The following ZMYND11 variants were observed in gnomAD, a reference collection of about 807,000 sequenced individuals.
ZMYND11 encodes zinc finger MYND domain-containing protein 11.
In ZMYND11, 9 loss-of-function variants were observed where a neutral mutation model predicts 84.9. The ratio of observed to expected loss-of-function variants is 0.11; its 90% CI spans 0.06 to 0.18. The LOEUF (loss-of-function observed/expected upper bound fraction) is 0.18, where lower values mean the gene tolerates loss of function less well. Among genes scored for constraint, ZMYND11 ranks in the 10% least tolerant of loss-of-function variants. The pLI is 1.00. For missense variants in ZMYND11, 409 were observed against 761.0 expected (o/e 0.54, Z 5.44); for synonymous variants, 250 against 244.1 (o/e 1.02, Z -0.23).
intron 11 of ZMYND11, 49 bp downstream of exon 11, chr10:247,022 G>T (rs1462578325): frequency 6.6e-7 from 1 of 1,512,922 alleles, no homozygotes; most frequent in South Asian, 1.2e-5. Context: ...ACTTTTAAAT[G>T]CAGAAATCTT....
chr10:141,602 C>A (rs1387787291), intron 1 of ZMYND11, among the ~76,000 whole-genome samples: 1 of 152,122 alleles, frequency 6.6e-6, no homozygotes. Context: ...ATATTAACAA[C>A]CTGAGGGTTT....
At chr10:156,907 CTGGTATT>C (rs1412030567) in intron 1 of ZMYND11, among the ~76,000 whole-genome samples, 2 of 152,134 alleles carry the variant, frequency 1.3e-5, no homozygotes, top group Non-Finnish European at 2.9e-5. Flanking sequence ...GATCTCCTCA[CTGGTATT>C]TGAGGATTGG....
chr10:174,243 A>G (rs1239966503), intron 1 of ZMYND11, among the ~76,000 whole-genome samples: 1 of 152,230 alleles, frequency 6.6e-6, no homozygotes, highest in African/African-American at 2.4e-5. Context: ...TCATGCCATA[A>G]AAAGCTATGG....
intron 1 of ZMYND11, among the ~76,000 whole-genome samples, chr10:145,980 C>G (rs1371453240): frequency 2.6e-5 from 4 of 151,968 alleles, no homozygotes; most frequent in Non-Finnish European, 5.9e-5. Context: ...AGGGTTTTTC[C>G]TATGGTTTCT....
chr10:217,711 A>G lies in ZMYND11; in HGVS notation c.277-3484A>G, dbSNP rs189834966. Among the ~76,000 whole-genome samples the G allele has an allele frequency of 1.7e-4, 26 of 152,258 alleles. 1 individual carries two copies. In the East Asian group the frequency reaches 5.0e-3, roughly 29 times the overall value. ...CTCACATTGTGCCAGGCACTCCCGTAAGGACTGTCTGCGTATTGACTCATG... is the reference window on the plus strand; with the variant it reads ...CTCACATTGTGCCAGGCACTCCCGTGAGGACTGTCTGCGTATTGACTCATG... On this transcript the variant is annotated intron_variant, in intron 3 of 14. Coordinates refer to ENST00000381604, the MANE Select transcript of ZMYND11 (RefSeq NM_001370100.5).
chr10:150,962 G>T lies in ZMYND11; in HGVS notation c.-20+15403G>T, dbSNP rs536793086. 1.3e-3 allele frequency among the ~76,000 whole-genome samples: 204 copies of T among 152,296 alleles called. 3 individuals are homozygous for T. The South Asian group carries it at 0.021, about 16-fold the overall frequency. ...GCTGATACCCAGGCAAACAGGGTCT[G>T]GAGTGGACCTCCAGCAAACTCCAAC... is the stretch of plus-strand genomic sequence containing the variant. On this transcript the variant is annotated intron_variant, in intron 1 of 14. Coordinates refer to ENST00000381604, the MANE Select transcript of ZMYND11 (RefSeq NM_001370100.5).
chr10:211,569 G>A (rs140117690), intron 3 of ZMYND11, among the ~76,000 whole-genome samples: 2 of 152,302 alleles, frequency 1.3e-5, no homozygotes, highest in East Asian at 3.9e-4. Context: ...AGCAACAGCT[G>A]TGATAAGGTA....
intron 10 of ZMYND11, 110 bp downstream of exon 10, chr10:242,249 A>T (rs1019618709): frequency 2.0e-6 from 3 of 1,482,474 alleles, no homozygotes; most frequent in Non-Finnish European, 2.7e-6. Flanking sequence ...AATTGGAAAA[A>T]AAAAACACAT....
At chr10:238,391 C>G (rs1950331341) in intron 6 of ZMYND11, among the ~76,000 whole-genome samples, 3 of 151,788 alleles carry the variant, frequency 2.0e-5, no homozygotes, top group African/African-American at 4.8e-5. Flanking sequence ...GAGTCTCACT[C>G]TGTCGCCCAG....
chr10:191,123 A>G (rs2130910973), intron 2 of ZMYND11, among the ~76,000 whole-genome samples: 1 of 152,228 alleles, frequency 6.6e-6, no homozygotes, highest in South Asian at 2.1e-4. Flanking sequence ...AATAGTCATT[A>G]TTTTGTGAAA....
chr10:189,138 C>G (rs1939609928), intron 2 of ZMYND11, among the ~76,000 whole-genome samples: 1 of 152,192 alleles, frequency 6.6e-6, no homozygotes, highest in South Asian at 2.1e-4. Flanking sequence ...GACCTCTGAC[C>G]TCTTGTGACA....
intron 2 of ZMYND11, among the ~76,000 whole-genome samples, chr10:209,061 A>G (rs1461330054): frequency 6.6e-6 from 1 of 152,018 alleles, no homozygotes; most frequent in Non-Finnish European, 1.5e-5. Flanking sequence ...AGAGAGAGAG[A>G]GAGATCAGCG....
chr10:190,313 A>G (rs1453978496), intron 2 of ZMYND11, among the ~76,000 whole-genome samples: 2 of 152,062 alleles, frequency 1.3e-5, no homozygotes, highest in African/African-American at 2.4e-5. Flanking sequence ...CACTGTTGCA[A>G]ACGTTTTCCT....
intron 3 of ZMYND11, among the ~76,000 whole-genome samples, chr10:213,713 CAA>C (rs1380906593): frequency 6.6e-6 from 1 of 151,956 alleles, no homozygotes; most frequent in East Asian, 1.9e-4. Flanking sequence ...TTTGTATCAG[CAA>C]AGAGTCTGGA....
At chr10:164,424 G>A (rs1843553148) in intron 1 of ZMYND11, among the ~76,000 whole-genome samples, 2 of 152,156 alleles carry the variant, frequency 1.3e-5, no homozygotes, top group Non-Finnish European at 1.5e-5. Context: ...AACAGTGATT[G>A]TTGCTCATAA....
At chr10:168,621 G>T (rs1314694809) in intron 1 of ZMYND11, among the ~76,000 whole-genome samples, 2 of 152,224 alleles carry the variant, frequency 1.3e-5, no homozygotes, top group Non-Finnish European at 1.5e-5. Context: ...CATGTAAGGA[G>T]CTCATAAGTA....
Position 177,263 on chromosome 10 carries a change from C to T in ZMYND11, c.-19-2731C>T, listed in dbSNP as rs1846853378. Among the ~76,000 whole-genome samples, 3 of 152,056 alleles carry T rather than the reference C, an allele frequency of 2.0e-5. No homozygotes were observed. The South Asian group carries it at 6.2e-4, about 32-fold the overall frequency. The stretch of plus-strand genomic sequence containing the variant: ...TCCATGGGTCAAGTTGTTTTTGGTA[C>T]CTTTGTAATATGCCTCAAACTTCAT... On this transcript the variant is annotated intron_variant, in intron 1 of 14. Transcript: ENST00000381604.
intron 2 of ZMYND11, among the ~76,000 whole-genome samples, chr10:184,933 AG>A (rs1426413452): frequency 6.6e-6 from 1 of 151,062 alleles, no homozygotes; most frequent in Non-Finnish European, 1.5e-5. Context: ...TCTTATACTT[AG>A]GGTCTTTTCA....
chr10:142,157 G>C (rs1454671215), intron 1 of ZMYND11, among the ~76,000 whole-genome samples: 2 of 152,176 alleles, frequency 1.3e-5, no homozygotes, highest in Non-Finnish European at 2.9e-5. Context: ...AGGGAGCACA[G>C]TGGCGAGAAC....
Sources: allele counts gnomAD v4.1 joint callset (sites outside exome capture counted in the v4.1 genomes callset), GRCh38; gene constraint gnomAD v4.1.1; transcripts MANE v1.5; gene names NCBI Gene and HGNC (gene_info 2026-07-23, HGNC 2026-07-21).